MAF: variants seen among roughly 807,000 people sequenced by gnomAD.
The protein encoded by MAF is MAF bZIP transcription factor, also known as transcription factor Maf.
A neutral mutation model predicts 22.0 loss-of-function variants in MAF; 10 were observed. The observed-to-expected ratio is 0.45, with a 90% CI of 0.28 to 0.77. The LOEUF (loss-of-function observed/expected upper bound fraction) is 0.77. Among genes scored for constraint, MAF ranks in the 30% least tolerant of loss-of-function variants. MAF has a pLI of 0.12. For synonymous variants in MAF, 337 were observed against 255.8 expected, an observed-to-expected ratio of 1.32 and a Z score of -3.03; for missense variants, 544 against 548.4, an observed-to-expected ratio of 0.99 and a Z score of 0.08.
At chr16:79,548,511 T>C in the MAF span, among the ~76,000 whole-genome samples, 1 of 152,264 alleles carries the variant, frequency 6.6e-6, no homozygotes, top group South Asian at 2.1e-4. Context: ...AAAGATACAC[T>C]ATGAAACAAT....
At chr16:79,268,947 T>A in the MAF span, among the ~76,000 whole-genome samples, 1 of 152,204 alleles carries the variant, frequency 6.6e-6, no homozygotes, top group African/African-American at 2.4e-5. Flanking sequence ...ATGATCAGGA[T>A]CTCTTAGGAG....
At chr16:79,571,362 A>T in the MAF span, among the ~76,000 whole-genome samples, 2 of 151,998 alleles carry the variant, frequency 1.3e-5, no homozygotes, top group African/African-American at 4.8e-5. Flanking sequence ...TGCAGAAACA[A>T]AACAAAATAA....
chr16:79,382,104 T>C, the MAF span, among the ~76,000 whole-genome samples: 1 of 152,178 alleles, frequency 6.6e-6, no homozygotes, highest in Non-Finnish European at 1.5e-5. Context: ...TAGGTGACAC[T>C]TTCCTGATTC....
At chr16:79,229,751 G>C in the MAF span, among the ~76,000 whole-genome samples, 3 of 151,990 alleles carry the variant, frequency 2.0e-5, no homozygotes, top group African/African-American at 7.2e-5. Flanking sequence ...AAAATACTTT[G>C]TACCTCCGGG....
the MAF span, among the ~76,000 whole-genome samples, chr16:79,571,940 G>C: frequency 6.6e-6 from 1 of 152,102 alleles, no homozygotes; most frequent in Non-Finnish European, 1.5e-5. Context: ...TTCTTTGCCA[G>C]CCCCTGCCCC....
the MAF span, among the ~76,000 whole-genome samples, chr16:79,434,678 A>G: frequency 6.6e-6 from 1 of 151,870 alleles, no homozygotes; most frequent in South Asian, 2.1e-4. Context: ...ATTTTAATAA[A>G]TTATATACAG....
At chr16:79,347,798 G>T in the MAF span, among the ~76,000 whole-genome samples, 1 of 152,120 alleles carries the variant, frequency 6.6e-6, no homozygotes, top group Admixed American at 6.5e-5. Flanking sequence ...CCAAGTCACC[G>T]GTCATGTTAC....
At chr16:79,522,423 T>A in the MAF span, among the ~76,000 whole-genome samples, 1 of 152,320 alleles carries the variant, frequency 6.6e-6, no homozygotes, top group South Asian at 2.1e-4. Flanking sequence ...AAAGGAGTTG[T>A]GTTTGCAGAG....
At chr16:79,529,323 T>C in the MAF span, among the ~76,000 whole-genome samples, 1 of 152,146 alleles carries the variant, frequency 6.6e-6, no homozygotes, top group African/African-American at 2.4e-5. Context: ...TAGCTGGAAG[T>C]TGGCAAACTA....
At chr16:79,265,938 C>A in the MAF span, among the ~76,000 whole-genome samples, 1 of 152,228 alleles carries the variant, frequency 6.6e-6, no homozygotes. Flanking sequence ...GGAGTGTCTA[C>A]AGCAGGGATA....
chr16:79,532,419 G>C, the MAF span, among the ~76,000 whole-genome samples: 1 of 152,202 alleles, frequency 6.6e-6, no homozygotes, highest in Non-Finnish European at 1.5e-5. Flanking sequence ...TGAAACAAAT[G>C]TGCAGTGAGT....
At chr16:79,515,907 C>A in the MAF span, 1 of 151,944 alleles carries the variant, frequency 6.6e-6, no homozygotes, top group East Asian at 1.9e-4. Flanking sequence ...TGGGCATAGC[C>A]CCTCTTGCTA....
chr16:79,230,814 A>G, the MAF span, among the ~76,000 whole-genome samples: 1 of 152,080 alleles, frequency 6.6e-6, no homozygotes, highest in African/African-American at 2.4e-5. Context: ...CTTGCCCCTG[A>G]GATCCTTAAT....
At chr16:79,409,248 T>C in the MAF span, among the ~76,000 whole-genome samples, 1 of 152,186 alleles carries the variant, frequency 6.6e-6, no homozygotes, top group Non-Finnish European at 1.5e-5. Context: ...CTAGTGATCT[T>C]GGGGTTCAAT....
At chr16:79,526,846 TAAG>T in the MAF span, among the ~76,000 whole-genome samples, 1 of 152,062 alleles carries the variant, frequency 6.6e-6, no homozygotes, top group Admixed American at 6.5e-5. Context: ...ATGCAAATAA[TAAG>T]ATATAGATAA....
chr16:79,357,578 T>G, the MAF span, among the ~76,000 whole-genome samples: 1 of 152,326 alleles, frequency 6.6e-6, no homozygotes, highest in African/African-American at 2.4e-5. Context: ...CGGGAAAGTT[T>G]GCAGTTACTG....
chr16:79,397,264 C>A, the MAF span, among the ~76,000 whole-genome samples: 1 of 152,094 alleles, frequency 6.6e-6, no homozygotes, highest in East Asian at 1.9e-4. Flanking sequence ...GGTTTTCTTG[C>A]CCAAGAGGGG....
At chr16:79,479,498 T>A in the MAF span, among the ~76,000 whole-genome samples, 2 of 152,206 alleles carry the variant, frequency 1.3e-5, no homozygotes, top group Admixed American at 6.5e-5. Context: ...ATGGAATTTG[T>A]CAGGGCGGGG....
Position 79,599,819 on chromosome 16 carries a change from C to A in MAF, c.84G>T (p.Met28Ile). The A allele has an allele frequency of 6.2e-7, 1 of 1,612,754 alleles. No homozygotes were observed. The highest frequency in any genetic ancestry group is 1.7e-4 in the Middle Eastern group (1 of 6,010). ...CCGGTTCCTTTTTCACTTCAAACTTCATCAGATCGAAGTCATTAACATATT... is the reference window on the plus strand; with the variant it reads ...CCGGTTCCTTTTTCACTTCAAACTTAATCAGATCGAAGTCATTAACATATT... ...AMEYVNDFDL[M>I]KFEVKKEPVE... Residue 28 changes from methionine to isoleucine, a missense_variant, in exon 1 of 2, where the codon ATG (methionine) becomes ATT (isoleucine). Coordinates refer to ENST00000326043, the MANE Select transcript of MAF (RefSeq NM_005360.5).
Sources: allele counts gnomAD v4.1 joint callset (sites outside exome capture counted in the v4.1 genomes callset), GRCh38; gene constraint gnomAD v4.1.1; transcripts MANE v1.5; gene names NCBI Gene and HGNC (gene_info 2026-07-23, HGNC 2026-07-21).